SETBP1: variants seen among roughly 807,000 people sequenced by gnomAD.
SETBP1 encodes SET binding protein 1.
In SETBP1, 9 loss-of-function variants were observed where a neutral mutation model predicts 101.0. The observed-to-expected ratio is 0.09, with a 90% CI of 0.05 to 0.16. The LOEUF is 0.16. Ranked by LOEUF, SETBP1 falls within the 10% of genes least tolerant of loss-of-function variation. SETBP1 has a pLI of 1.00. For missense variants in SETBP1, 1,858 were observed against 2,033.8 expected (o/e 0.91, Z 1.66); for synonymous variants, 818 against 788.5 (o/e 1.04, Z -0.63).
At chr18:44,770,504 A>G (rs2070849429) in intron 2 of SETBP1, among the ~76,000 whole-genome samples, 1 of 152,106 alleles carries the variant, frequency 6.6e-6, no homozygotes, top group Non-Finnish European at 1.5e-5. Flanking sequence ...GTATTTTTGA[A>G]GTGTCCTTGG....
At chr18:45,006,917 G>A (rs1242974441) in intron 4 of SETBP1, among the ~76,000 whole-genome samples, 1 of 152,158 alleles carries the variant, frequency 6.6e-6, no homozygotes, top group Non-Finnish European at 1.5e-5. Context: ...AAGTTTCTTG[G>A]TTGATCAGAA....
intron 2 of SETBP1, among the ~76,000 whole-genome samples, chr18:44,721,371 T>C (rs1186750109): frequency 1.3e-5 from 2 of 152,184 alleles, no homozygotes; most frequent in African/African-American, 4.8e-5. Flanking sequence ...CATCAAGTGT[T>C]TCTTCCTTTG....
intron 4 of SETBP1, among the ~76,000 whole-genome samples, chr18:44,981,252 G>A (rs897351321): frequency 6.6e-5 from 10 of 152,176 alleles, no homozygotes; most frequent in African/African-American, 1.2e-4. Context: ...GACTCTCACC[G>A]TAATCTCTCA....
rs1210451903 is a variant in SETBP1, at chr18:45,064,938, T to A, written c.*1240T>A. 4 of 152,186 alleles carry A rather than the reference T, an allele frequency of 2.6e-5. No individual in the cohort carries two copies. Among genetic ancestry groups the A allele is most frequent in the Non-Finnish European group, 4.4e-5 (3 of 68,032 alleles). 9.4% of individuals were successfully genotyped at this position (152,186 alleles called of 1,614,324 possible). On this transcript the variant is annotated 3_prime_UTR_variant, in exon 6 of 6. Transcript: ENST00000649279. Reference sequence around the variant, plus strand: ...AAATAAATAAAATGCTCAAAGGGTATCACCACTTCAATTTTATCAAGCCAC... The same window carrying A: ...AAATAAATAAAATGCTCAAAGGGTAACACCACTTCAATTTTATCAAGCCAC...
intron 4 of SETBP1, among the ~76,000 whole-genome samples, chr18:45,024,029 T>A (rs1026691155): frequency 1.3e-5 from 2 of 152,226 alleles, no homozygotes; most frequent in Admixed American, 6.5e-5. Flanking sequence ...TCTTTTCTTA[T>A]AAGTGGCATA....
rs142177637 is a variant in SETBP1, at chr18:44,865,821, C to T, written c.487-3409C>T. On this transcript the variant is annotated intron_variant, in intron 2 of 5. Coordinates refer to ENST00000649279, the MANE Select transcript of SETBP1 (RefSeq NM_015559.3). ...TGTTGTACATACCGTTTTTTCAGGA[C>T]GCATTGTGAGATGTCACAAGCCTTG... Among the ~76,000 whole-genome samples the T allele has an allele frequency of 2.7e-3, 417 of 152,268 alleles. 3 individuals carry two copies. The highest frequency in any genetic ancestry group is 8.6e-3 in the African/African-American group (358 of 41,538).
At chr18:44,923,878 A>G (rs1006122879) in intron 3 of SETBP1, among the ~76,000 whole-genome samples, 2 of 152,182 alleles carry the variant, frequency 1.3e-5, no homozygotes, top group African/African-American at 4.8e-5. Context: ...TGTGCAGTCT[A>G]GAAGACACAA....
Position 45,006,205 on chromosome 18 carries a change from G to T in SETBP1, c.4001-32280G>T, listed in dbSNP as rs562434680. On this transcript the variant is annotated intron_variant, in intron 4 of 5. Coordinates refer to ENST00000649279, the MANE Select transcript of SETBP1 (RefSeq NM_015559.3). ...TTGACCTCATGATCCTCCCACCTTGGCCTCCTGAAGTGCTGGGATTACAGG... is the reference window on the plus strand; with the variant it reads ...TTGACCTCATGATCCTCCCACCTTGTCCTCCTGAAGTGCTGGGATTACAGG... Among the ~76,000 whole-genome samples, 45 of 152,084 alleles carry T rather than the reference G, an allele frequency of 3.0e-4. No individual in the cohort carries two copies. The Middle Eastern group carries it at 0.014, about 46-fold the overall frequency.
chr18:45,042,451 T>G (rs1045954937), intron 5 of SETBP1, among the ~76,000 whole-genome samples: 1 of 152,168 alleles, frequency 6.6e-6, no homozygotes, highest in East Asian at 1.9e-4. Context: ...TAAATGGAAA[T>G]CATTTGACAG....
At chr18:44,780,569 C>G (rs576364033) in intron 2 of SETBP1, among the ~76,000 whole-genome samples, 14 of 152,290 alleles carry the variant, frequency 9.2e-5, no homozygotes, top group Middle Eastern at 3.4e-3. Context: ...GTGGCATTCC[C>G]CATTTGAGAT....
intron 3 of SETBP1, among the ~76,000 whole-genome samples, chr18:44,926,366 T>C (rs2070704654): frequency 6.6e-6 from 1 of 152,182 alleles, no homozygotes; most frequent in African/African-American, 2.4e-5. Flanking sequence ...AAAGCTTCCA[T>C]AAGGCCACAG....
intron 3 of SETBP1, among the ~76,000 whole-genome samples, chr18:44,902,975 A>G (rs2070089400): frequency 6.6e-6 from 1 of 152,156 alleles, no homozygotes; most frequent in Non-Finnish European, 1.5e-5. Flanking sequence ...ATGAACATCT[A>G]TATACCTCTA....
At chr18:44,684,938 C>T (rs532352892) in intron 1 of SETBP1, among the ~76,000 whole-genome samples, 75 of 152,278 alleles carry the variant, frequency 4.9e-4, no homozygotes, top group African/African-American at 1.6e-3. Flanking sequence ...TGGGCCACCG[C>T]GCCCGACCGA....
chr18:44,710,049 T>A (rs1293812204), intron 2 of SETBP1, among the ~76,000 whole-genome samples: 1 of 152,156 alleles, frequency 6.6e-6, no homozygotes, highest in African/African-American at 2.4e-5. Context: ...CTCTTCCTCA[T>A]CGTTGCAATT....
At chr18:44,905,386 C>A (rs181077344) in intron 3 of SETBP1, among the ~76,000 whole-genome samples, 119 of 152,222 alleles carry the variant, frequency 7.8e-4, no homozygotes, top group African/African-American at 2.8e-3. Flanking sequence ...TGGTGACTCC[C>A]ATAGAATTTG....
intron 3 of SETBP1, among the ~76,000 whole-genome samples, chr18:44,933,569 GC>G (rs2070887130): frequency 6.6e-6 from 1 of 152,176 alleles, no homozygotes; most frequent in Admixed American, 6.5e-5. Flanking sequence ...ACTGAGGCAG[GC>G]AGGCGTCCTT....
At chr18:44,891,210 T>A (rs1276391245) in intron 3 of SETBP1, among the ~76,000 whole-genome samples, 3 of 152,048 alleles carry the variant, frequency 2.0e-5, no homozygotes, top group African/African-American at 7.2e-5. Context: ...AAGGCCTGCC[T>A]CCATGATTCA....
At chr18:44,969,951 T>C (rs1358675707) in intron 4 of SETBP1, 2 of 153,262 alleles carry the variant, frequency 1.3e-5, no homozygotes, top group Non-Finnish European at 2.9e-5. Flanking sequence ...TGAGGTCACA[T>C]AGGCAAGCAG....
At chr18:44,928,311 T>G (rs1034017414) in intron 3 of SETBP1, among the ~76,000 whole-genome samples, 1 of 152,256 alleles carries the variant, frequency 6.6e-6, no homozygotes, top group African/African-American at 2.4e-5. Context: ...TGCCACATTT[T>G]CTTAATCCAG....
Sources: allele counts gnomAD v4.1 joint callset (sites outside exome capture counted in the v4.1 genomes callset), GRCh38; gene constraint gnomAD v4.1.1; transcripts MANE v1.5; gene names NCBI Gene and HGNC (gene_info 2026-07-23, HGNC 2026-07-21).